The following HERC4 variants were observed in gnomAD, a reference collection of about 807,000 sequenced individuals.
The protein encoded by HERC4 is probable E3 ubiquitin-protein ligase HERC4.
A neutral mutation model predicts 124.3 loss-of-function variants in HERC4; 28 were observed. That is an observed-to-expected ratio of 0.23 (90% CI 0.17 to 0.31). HERC4 has a LOEUF of 0.31. Ranked by LOEUF, HERC4 falls within the 10% of genes least tolerant of loss-of-function variation. The probability of loss-of-function intolerance (pLI) is 1.00; values close to 1 mark genes in which losing one functional copy is unlikely to be tolerated. For synonymous variants in HERC4, 407 were observed against 421.5 expected (o/e 0.97, Z 0.42); for missense variants, 713 against 1,229.3 (o/e 0.58, Z 6.28).
intron 15 of HERC4, among the ~76,000 whole-genome samples, chr10:67,975,824 TC>T (rs976487518): frequency 6.6e-6 from 1 of 152,204 alleles, no homozygotes; most frequent in Non-Finnish European, 1.5e-5. Flanking sequence ...GTTCTTTTTT[TC>T]TCCCACTGTT....
chr10:68,037,158 G>C (rs1185479949), intron 5 of HERC4, among the ~76,000 whole-genome samples: 2 of 143,254 alleles, frequency 1.4e-5, no homozygotes, highest in Non-Finnish European at 3.0e-5. Context: ...ATAGTGCCGT[G>C]ATCTTGGCTC....
At chr10:68,038,809 T>C (rs796327217) in intron 4 of HERC4, among the ~76,000 whole-genome samples, 4 of 152,342 alleles carry the variant, frequency 2.6e-5, no homozygotes, top group African/African-American at 9.6e-5. Flanking sequence ...TTGTATTTTG[T>C]CCTTATACTT....
intron 15 of HERC4, among the ~76,000 whole-genome samples, chr10:67,985,660 G>A (rs2036218543): frequency 6.6e-6 from 1 of 152,166 alleles, no homozygotes; most frequent in African/African-American, 2.4e-5. Context: ...TGTCTATAAT[G>A]TACTACGTGG....
Position 67,946,956 on chromosome 10 carries a change from C to G in HERC4, c.2338-5851G>C, listed in dbSNP as rs900746305. On this transcript the variant is annotated intron_variant, in intron 19 of 24. Transcript: ENST00000373700. ...AATATAAATATGCACCCATACTGGA[C>G]TGCCCAGATATATGAAGCAAATATT... Among the ~76,000 whole-genome samples the G allele has an allele frequency of 2.6e-5, 4 of 152,022 alleles. No individual in the cohort carries two copies. In the East Asian group the frequency reaches 5.8e-4, roughly 22 times the overall value.
At position 68,040,331 on chromosome 10, in the gene HERC4, C is replaced by A. The variant is rs979887529; in HGVS notation, c.387-2162G>T. 6 of 954,142 alleles carry A rather than the reference C, an allele frequency of 6.3e-6. No homozygotes were observed. In the African/African-American group the frequency reaches 8.8e-5, roughly 14 times the overall value. 59.1% of individuals were successfully genotyped at this position (954,142 alleles called of 1,614,324 possible). On this transcript the variant is annotated intron_variant, in intron 4 of 24. Transcript: ENST00000373700. Reference sequence around the variant, plus strand: ...ATTACTGTGTTAAAGAAAAAACTATCCCCTTTCATCTTCATATAAATGTAT... The same window carrying A: ...ATTACTGTGTTAAAGAAAAAACTATACCCTTTCATCTTCATATAAATGTAT...
chr10:67,981,816 C>A (rs2035947435), intron 15 of HERC4, among the ~76,000 whole-genome samples: 2 of 152,012 alleles, frequency 1.3e-5, no homozygotes, highest in African/African-American at 2.4e-5. Flanking sequence ...CTGGAGTGGC[C>A]TGTAATCCCA....
At chr10:68,046,555 G>A (rs1259924841) in intron 3 of HERC4, among the ~76,000 whole-genome samples, 1 of 152,166 alleles carries the variant, frequency 6.6e-6, no homozygotes, top group African/African-American at 2.4e-5. Context: ...TAAAATAAGC[G>A]TCCTAGCCCT....
intron 3 of HERC4, among the ~76,000 whole-genome samples, chr10:68,059,488 T>TTATAATATTATA (rs796555556): frequency 0.087 from 10,574 of 121,218 alleles, 920 homozygotes; most frequent in East Asian, 0.38. Context: ...ATATTATATA[T>TTATAATATTATA]TATAACATTA....
At chr10:67,940,506 G>A (rs186219755) in intron 20 of HERC4, among the ~76,000 whole-genome samples, 112 of 151,918 alleles carry the variant, frequency 7.4e-4, no homozygotes, top group Middle Eastern at 3.4e-3. Flanking sequence ...TGCAACCTCC[G>A]CCTCCTGGGT....
intron 5 of HERC4, among the ~76,000 whole-genome samples, chr10:68,036,295 G>A (rs187176176): frequency 6.6e-6 from 1 of 150,424 alleles, no homozygotes; most frequent in African/African-American, 2.4e-5. Flanking sequence ...TCCAGCCTGG[G>A]TGACAAAGGG....
chr10:67,997,575 C>T (rs541953264), intron 9 of HERC4, among the ~76,000 whole-genome samples: 2 of 152,258 alleles, frequency 1.3e-5, no homozygotes, highest in South Asian at 4.1e-4. Flanking sequence ...ATCCCCCACC[C>T]AAATAGATCT....
intron 8 of HERC4, among the ~76,000 whole-genome samples, chr10:68,018,210 C>A (rs2038382205): frequency 6.8e-6 from 1 of 147,930 alleles, no homozygotes; most frequent in African/African-American, 2.6e-5. Flanking sequence ...ATTCCAGAAA[C>A]ACAAAGCTGT....
At chr10:67,927,415 TATATATATATATATA>T (rs1314292664) in intron 23 of HERC4, among the ~76,000 whole-genome samples, 128 of 12,410 alleles carry the variant, frequency 0.01, 5 homozygotes, top group African/African-American at 0.018. Flanking sequence ...TATATATATA[TATATATATATATATA>T]TTTTTTTTTT....
At chr10:67,987,554 C>T (rs1343068978) in intron 15 of HERC4, among the ~76,000 whole-genome samples, 1 of 152,106 alleles carries the variant, frequency 6.6e-6, no homozygotes, top group Non-Finnish European at 1.5e-5. Context: ...TAACTGTTTA[C>T]TGCAGACCTG....
chr10:67,990,930 G>A lies in HERC4; in HGVS notation c.1417C>T (p.Pro473Ser), dbSNP rs148821482. 4.6e-4 allele frequency: 746 copies of A among 1,605,628 alleles called. No homozygotes were observed. Among genetic ancestry groups the A allele is most frequent in the Non-Finnish European group, 6.1e-4 (718 of 1,174,300 alleles). The change falls in exon 13 of 25, where the codon CCT becomes TCT. Residue 473 changes from proline (P) to serine (S), a missense_variant. Transcript: ENST00000373700. ...ARLLFHKLIQPDHPQISQQVA... is the reference protein window; with the variant it reads ...ARLLFHKLIQSDHPQISQQVA... Reference sequence around the variant, plus strand: ...TGCTGAGATATCTGCGGATGATCAGGTTGTATAAGTTTGTGGAATAAAAGC... The same window carrying A: ...TGCTGAGATATCTGCGGATGATCAGATTGTATAAGTTTGTGGAATAAAAGC...
chr10:67,969,474 A>C (rs567261513), intron 15 of HERC4, among the ~76,000 whole-genome samples: 1 of 151,832 alleles, frequency 6.6e-6, no homozygotes, highest in African/African-American at 2.4e-5. Flanking sequence ...AGAGGGGGGG[A>C]AAAAAGGAAA....
chr10:68,052,898 G>A (rs2040384999), intron 3 of HERC4, among the ~76,000 whole-genome samples: 2 of 152,096 alleles, frequency 1.3e-5, no homozygotes, highest in Middle Eastern at 3.4e-3. Context: ...TACAAAAAGA[G>A]AAAAATAAAA....
chr10:68,033,472 A>G (rs2133363722), intron 6 of HERC4, among the ~76,000 whole-genome samples: 1 of 152,328 alleles, frequency 6.6e-6, no homozygotes, highest in East Asian at 1.9e-4. Flanking sequence ...TAATCATGAA[A>G]AATAAGTTCC....
intron 9 of HERC4, among the ~76,000 whole-genome samples, chr10:67,999,718 G>A (rs1371163670): frequency 6.6e-6 from 1 of 152,136 alleles, no homozygotes; most frequent in African/African-American, 2.4e-5. Context: ...ATGGTTACAT[G>A]TTTGAGTAAT....
Sources: allele counts gnomAD v4.1 joint callset (sites outside exome capture counted in the v4.1 genomes callset), GRCh38; gene constraint gnomAD v4.1.1; transcripts MANE v1.5; gene names NCBI Gene and HGNC (gene_info 2026-07-23, HGNC 2026-07-21).